GABBR2: variants seen among roughly 807,000 people sequenced by gnomAD.
GABBR2 encodes the protein gamma-aminobutyric acid type B receptor subunit 2, also known as G-protein coupled receptor 51.
A neutral mutation model predicts 105.6 loss-of-function variants in GABBR2; 23 were observed. The ratio of observed to expected loss-of-function variants is 0.22; its 90% CI spans 0.16 to 0.31. The LOEUF (loss-of-function observed/expected upper bound fraction) is 0.31. GABBR2 is among the 10% of genes least tolerant of loss of function. The pLI is 1.00. For missense variants in GABBR2, 734 were observed against 1,245.5 expected, an observed-to-expected ratio of 0.59 and a Z score of 6.18; for synonymous variants, 478 against 499.7, an observed-to-expected ratio of 0.96 and a Z score of 0.58.
rs186553492 is a variant in GABBR2, at chr9:98,364,996, T to C, written c.1771-2159A>G. Among the ~76,000 whole-genome samples the C allele has an allele frequency of 5.3e-4, 81 of 152,330 alleles. 1 individual carries two copies. The highest frequency in any genetic ancestry group is 1.9e-3 in the African/African-American group (79 of 41,564). On this transcript the variant is annotated intron_variant, in intron 12 of 18. Transcript: ENST00000259455. ...ACCTGTGTGACCATGAGCCAATCAC[T>C]TCCTTGCTCTCATTCTGCATTTCTC...
chr9:98,335,422 C>T (rs1272082637), intron 13 of GABBR2, among the ~76,000 whole-genome samples: 4 of 152,128 alleles, frequency 2.6e-5, no homozygotes, highest in African/African-American at 9.7e-5. Flanking sequence ...ACCCTGGTAT[C>T]CAAGGTACAG....
At chr9:98,350,596 A>C (rs1831381053) in intron 13 of GABBR2, among the ~76,000 whole-genome samples, 1 of 148,198 alleles carries the variant, frequency 6.7e-6, no homozygotes, top group Admixed American at 6.9e-5. Context: ...CTGTGATTTG[A>C]GAGATGATTG....
At chr9:98,497,322 G>A (rs1247186344) in intron 3 of GABBR2, among the ~76,000 whole-genome samples, 1 of 152,056 alleles carries the variant, frequency 6.6e-6, no homozygotes, top group Non-Finnish European at 1.5e-5. Context: ...TTAGAATGTG[G>A]GTCAAGGGTT....
intron 6 of GABBR2, among the ~76,000 whole-genome samples, chr9:98,470,446 G>A (rs1051840246): frequency 5.9e-5 from 9 of 152,110 alleles, no homozygotes; most frequent in Admixed American, 1.3e-4. Context: ...ATCAGATCTC[G>A]TGAAACTTAT....
At chr9:98,467,536 C>T (rs893284808) in intron 6 of GABBR2, among the ~76,000 whole-genome samples, 1 of 152,176 alleles carries the variant, frequency 6.6e-6, no homozygotes, top group Admixed American at 6.5e-5. Context: ...CAGCACCTTT[C>T]CTTCCTCCGT....
At chr9:98,589,466 C>T (rs1475887589) in intron 1 of GABBR2, among the ~76,000 whole-genome samples, 1 of 152,150 alleles carries the variant, frequency 6.6e-6, no homozygotes, top group Non-Finnish European at 1.5e-5. Flanking sequence ...GAGGCCGCAT[C>T]ATCTAACAAA....
At chr9:98,488,110 A>G (rs1827098080) in intron 4 of GABBR2, among the ~76,000 whole-genome samples, 1 of 152,238 alleles carries the variant, frequency 6.6e-6, no homozygotes, top group African/African-American at 2.4e-5. Context: ...TACTGGAACT[A>G]GAGCCTCCAG....
At chr9:98,581,562 T>C (rs1205207534) in intron 1 of GABBR2, among the ~76,000 whole-genome samples, 1 of 152,028 alleles carries the variant, frequency 6.6e-6, no homozygotes, top group African/African-American at 2.4e-5. Flanking sequence ...TTACTGCTTC[T>C]GGGGCCCTCT....
rs374823271 is a variant in GABBR2 at position 98,643,718 on chromosome 9, G to C, written c.321+64699C>G. Among the ~76,000 whole-genome samples, 6 of 152,348 alleles carry C rather than the reference G, an allele frequency of 3.9e-5. No individual in the cohort carries two copies. In the East Asian group the frequency reaches 1.2e-3, roughly 29 times the overall value. On this transcript the variant is annotated intron_variant, in intron 1 of 18. Coordinates refer to ENST00000259455, the MANE Select transcript of GABBR2 (RefSeq NM_005458.8). The stretch of plus-strand genomic sequence containing the variant: ...CCAACTGTATCCCTGTGGCCACAGG[G>C]ACTAGGGCAGAGATGGGCACAGCCC...
intron 1 of GABBR2, among the ~76,000 whole-genome samples, chr9:98,694,062 A>G (rs1213936031): frequency 6.6e-6 from 1 of 152,236 alleles, no homozygotes; most frequent in African/African-American, 2.4e-5. Flanking sequence ...AAATACTTGT[A>G]TATCTCCTTG....
At chr9:98,546,749 C>T (rs1167809088) in intron 2 of GABBR2, among the ~76,000 whole-genome samples, 1 of 151,538 alleles carries the variant, frequency 6.6e-6, no homozygotes, top group Non-Finnish European at 1.5e-5. Context: ...AATATTTGGC[C>T]TTGCATTTAT....
chr9:98,473,533 T>C (rs998412546), intron 5 of GABBR2, among the ~76,000 whole-genome samples, 187 bp from the exon 6 acceptor site: 5 of 152,066 alleles, frequency 3.3e-5, no homozygotes, highest in Non-Finnish European at 7.4e-5. Context: ...ACATGTATAA[T>C]AAAATAATAA....
intron 1 of GABBR2, among the ~76,000 whole-genome samples, chr9:98,660,603 C>T (rs1180344683): frequency 6.6e-6 from 1 of 152,182 alleles, no homozygotes; most frequent in Non-Finnish European, 1.5e-5. Flanking sequence ...CTTAAAACAA[C>T]ACAAATGTAC....
intron 17 of GABBR2, among the ~76,000 whole-genome samples, chr9:98,296,333 G>C (rs974463948): frequency 5.3e-5 from 8 of 152,208 alleles, no homozygotes; most frequent in Non-Finnish European, 1.2e-4. Context: ...CTGGCACCTT[G>C]ATTTAGGACT....
At chr9:98,404,333 C>T (rs1348008508) in intron 8 of GABBR2, among the ~76,000 whole-genome samples, 4 of 152,168 alleles carry the variant, frequency 2.6e-5, no homozygotes, top group Non-Finnish European at 5.9e-5. Flanking sequence ...AGAGCTGACA[C>T]GCGTTTCAAT....
chr9:98,437,867 G>A (rs778352409), intron 7 of GABBR2, among the ~76,000 whole-genome samples: 75 of 137,716 alleles, frequency 5.4e-4, no homozygotes, highest in Non-Finnish European at 9.4e-4. Flanking sequence ...CCATCCATCC[G>A]TCCATCTATC....
intron 7 of GABBR2, among the ~76,000 whole-genome samples, chr9:98,427,373 C>G (rs73502862): frequency 0.13 from 19,736 of 152,178 alleles, 1,745 homozygotes; most frequent in East Asian, 0.37. Flanking sequence ...ATTCAAGAGT[C>G]ACAGTTTCTT....
chr9:98,553,388 G>A (rs1424230382), intron 2 of GABBR2, among the ~76,000 whole-genome samples: 1 of 151,898 alleles, frequency 6.6e-6, no homozygotes, highest in Non-Finnish European at 1.5e-5. Flanking sequence ...GAGGCCAGGA[G>A]TTCAAGACCA....
intron 1 of GABBR2, among the ~76,000 whole-genome samples, chr9:98,593,407 A>T (rs1386520527): frequency 1.3e-5 from 2 of 152,122 alleles, no homozygotes; most frequent in Non-Finnish European, 2.9e-5. Flanking sequence ...GGGGTGAGAG[A>T]CCAGTGCAGT....
Sources: gnomAD v4.1 joint callset for allele counts (sites outside exome capture counted in the v4.1 genomes callset) on GRCh38, gnomAD v4.1.1 for gene constraint, MANE v1.5 for transcripts, NCBI Gene and HGNC (gene_info 2026-07-23, HGNC 2026-07-21) for gene names.